PCID2: variants seen among roughly 807,000 people sequenced by gnomAD.
PCID2 encodes PCI domain containing 2.
PCID2 carries 41 observed loss-of-function variants against 61.3 expected under a neutral mutation model. The ratio of observed to expected loss-of-function variants is 0.67; its 90% CI spans 0.52 to 0.87. PCID2 has a LOEUF of 0.87. Among genes scored for constraint, PCID2 ranks in the 40% least tolerant of loss-of-function variants. The probability of loss-of-function intolerance (pLI) is 0.00; values close to 1 mark genes in which losing one functional copy is unlikely to be tolerated. For synonymous variants in PCID2, 187 were observed against 177.8 expected (o/e 1.05, Z -0.41); for missense variants, 392 against 493.4 (o/e 0.79, Z 1.95).
chr13:113,166,486 A>G, the PCID2 span: 1 of 152,094 alleles, frequency 6.6e-6, no homozygotes, highest in African/African-American at 2.4e-5. Context: ...CCCGACTCTT[A>G]CAAGACAGCT....
At chr13:113,192,730 G>C (rs2038717258) in intron 6 of PCID2, among the ~76,000 whole-genome samples, 1 of 152,140 alleles carries the variant, frequency 6.6e-6, no homozygotes, top group African/African-American at 2.4e-5. Flanking sequence ...TTTAACAGTG[G>C]TATATCAGCA....
At chr13:113,206,541 A>G (rs1014065527) in intron 1 of PCID2, among the ~76,000 whole-genome samples, 1 of 152,346 alleles carries the variant, frequency 6.6e-6, no homozygotes, top group South Asian at 2.1e-4. Context: ...GCTTTGATGA[A>G]TGTGCAAATG....
downstream of PCID2, among the ~76,000 whole-genome samples, chr13:113,172,779 G>A (rs1404928226): frequency 6.6e-6 from 1 of 152,228 alleles, no homozygotes; most frequent in East Asian, 1.9e-4. Flanking sequence ...TGAGCACTGA[G>A]ACCCAGCTCT....
rs1008145563 is a variant in PCID2 at position 113,208,421 on chromosome 13, C to A, written c.36+178G>T. 1.1e-4 allele frequency: 157 copies of A among 1,488,308 alleles called. No homozygotes were observed. In the African/African-American group the frequency reaches 1.8e-3, roughly 17 times the overall value. 92.2% of individuals were successfully genotyped at this position (1,488,308 alleles called of 1,614,324 possible). ...CGGCCCTGCAGGGGAGAACTCGGGCCGCCTTCCCGAGTCCCGGCCGCCGCT... is the reference window on the plus strand; with the variant it reads ...CGGCCCTGCAGGGGAGAACTCGGGCAGCCTTCCCGAGTCCCGGCCGCCGCT... On this transcript the variant is annotated intron_variant, in intron 1 of 13. Coordinates refer to ENST00000337344, the MANE Select transcript of PCID2 (RefSeq NM_001127202.4).
At chr13:113,198,674 C>T (rs1227447224) in intron 2 of PCID2, among the ~76,000 whole-genome samples, 1 of 152,142 alleles carries the variant, frequency 6.6e-6, no homozygotes, top group Non-Finnish European at 1.5e-5. Flanking sequence ...CACTGCACTA[C>T]AGCCTGGGTG....
At position 113,198,272 on chromosome 13, in the gene PCID2, TA is replaced by T; in HGVS notation, c.127-9del. 3 of 1,576,274 alleles carry T rather than the reference TA, an allele frequency of 1.9e-6. No homozygotes were observed. The highest frequency in any genetic ancestry group is 2.2e-5 in the East Asian group (1 of 44,576). ...CTCCTCTGGAGAGGCCATCTGATTT[TA>T]AAAAAGAAAAATAGCAAAAGTAAAA... is the stretch of plus-strand genomic sequence containing the variant. On this transcript the variant is annotated splice_polypyrimidine_tract_variant and intron_variant, in intron 2 of 13. Transcript: ENST00000337344.
the PCID2 span, chr13:113,165,130 C>A: frequency 2.5e-6 from 4 of 1,608,374 alleles, no homozygotes; most frequent in African/African-American, 1.3e-5. Flanking sequence ...GGTAACAGAG[C>A]GCTCTCCGCG....
At chr13:113,205,175 G>C (rs1056022824) in intron 1 of PCID2, among the ~76,000 whole-genome samples, 3 of 152,194 alleles carry the variant, frequency 2.0e-5, no homozygotes, top group Admixed American at 6.5e-5. Context: ...AACTACTGAA[G>C]ATTAAGGAGT....
chr13:113,183,897 G>T, intron 9 of PCID2: 1 of 985,444 alleles, frequency 1.0e-6, no homozygotes, highest in Non-Finnish European at 1.2e-6. Flanking sequence ...TTAAACGAGA[G>T]CTTTGACACC....
chr13:113,185,513 A>C lies in PCID2; in HGVS notation c.515T>G (p.Val172Gly). The change falls in exon 8 of 14, where the codon GTG becomes GGG. Residue 172 changes from valine to glycine, a missense_variant. Val to Gly is a moderately radical substitution (Grantham distance 109). This residue lies in a region of PCID2 where 226 missense variants were observed against 296.5 expected (regional missense o/e 0.76). Transcript: ENST00000337344. Reference protein sequence around the residue: ...DSKKWGMLFLVNQLFKIYFKI... With the variant: ...DSKKWGMLFLGNQLFKIYFKI... ...GAAGTAGATTTTAAACAGCTGGTTCACCAGAAACAGCATGCCCCACTTCTT... is the reference window on the plus strand; with the variant it reads ...GAAGTAGATTTTAAACAGCTGGTTCCCCAGAAACAGCATGCCCCACTTCTT... 1.2e-6 allele frequency: 2 copies of C among 1,612,980 alleles called. No individual in the cohort carries two copies. The highest frequency in any genetic ancestry group is 1.7e-6 in the Non-Finnish European group (2 of 1,178,912).
the PCID2 span, among the ~76,000 whole-genome samples, chr13:113,169,804 G>A: frequency 6.6e-5 from 10 of 152,322 alleles, no homozygotes; most frequent in Middle Eastern, 3.4e-3. Context: ...GTTCTTACCC[G>A]GCCATAATTA....
intron 1 of PCID2, among the ~76,000 whole-genome samples, chr13:113,201,334 A>T (rs1327777226): frequency 6.6e-5 from 10 of 151,548 alleles, no homozygotes; most frequent in Non-Finnish European, 1.5e-4. Context: ...GAGAAAAAAG[A>T]AGAGAAAAAT....
At chr13:113,183,107 A>G (rs886296968) in intron 9 of PCID2, among the ~76,000 whole-genome samples, 1 of 152,186 alleles carries the variant, frequency 6.6e-6, no homozygotes, top group Admixed American at 6.5e-5. Flanking sequence ...TCTGCGAGCT[A>G]CAAGGCAGAA....
At chr13:113,190,230 T>TTAAAAAAA (rs1414452932) in intron 7 of PCID2, among the ~76,000 whole-genome samples, 1 of 129,514 alleles carries the variant, frequency 7.7e-6, no homozygotes. Flanking sequence ...CAGAAGAAAT[T>TTAAAAAAA]AAAAAAAAAA....
chr13:113,187,723 A>G (rs574239716), intron 7 of PCID2: 76 of 152,298 alleles, frequency 5.0e-4, no homozygotes, highest in African/African-American at 1.7e-3. Flanking sequence ...TTGAATTGTA[A>G]TAATTCTTTA....
chr13:113,194,092 G>A (rs1315015033), intron 6 of PCID2, among the ~76,000 whole-genome samples: 3 of 152,156 alleles, frequency 2.0e-5, no homozygotes, highest in African/African-American at 7.2e-5. Context: ...TAGGTCCCCT[G>A]CTTAGCCTCT....
In PCID2 at chr13:113,190,982, A is replaced by C; in HGVS notation, c.364-7T>G. Reference sequence around the variant, plus strand: ...TTACCAACTGTTGATCTGCCTAATAAAATATAAGAACTTTTATTTCATTTT... The same window carrying C: ...TTACCAACTGTTGATCTGCCTAATACAATATAAGAACTTTTATTTCATTTT... On this transcript the variant is annotated splice_polypyrimidine_tract_variant and splice_region_variant and intron_variant, in intron 6 of 13. Transcript: ENST00000337344. 6.3e-7 allele frequency: 1 copy of C among 1,591,270 alleles called. No individual in the cohort carries two copies. The highest frequency in any genetic ancestry group is 8.6e-7 in the Non-Finnish European group (1 of 1,160,214).
intron 1 of PCID2, chr13:113,208,260 C>T: frequency 6.9e-7 from 1 of 1,446,130 alleles, no homozygotes; most frequent in Non-Finnish European, 9.1e-7. Flanking sequence ...GGGCCCTCGG[C>T]GTGGCCCGCA....
downstream of PCID2, among the ~76,000 whole-genome samples, chr13:113,174,136 G>A (rs1226398810): frequency 8.6e-5 from 13 of 151,914 alleles, no homozygotes; most frequent in Admixed American, 8.5e-4. Context: ...TACTGAGGAG[G>A]CTGAGGCAGG....
Sources: gnomAD v4.1 joint callset for allele counts (sites outside exome capture counted in the v4.1 genomes callset) on GRCh38, gnomAD v4.1.1 for gene constraint, gnomAD v4.1.1 regional missense constraint, MANE v1.5 for transcripts, NCBI Gene and HGNC (gene_info 2026-07-23, HGNC 2026-07-21) for gene names.